CYP27C1: variants seen among roughly 807,000 people sequenced by gnomAD.
CYP27C1 encodes the protein cytochrome P450 family 27 subfamily C member 1.
A neutral mutation model predicts 40.6 loss-of-function variants in CYP27C1; 29 were observed. The observed-to-expected ratio is 0.71, with a 90% CI of 0.53 to 0.97. CYP27C1 has a LOEUF of 0.97. Among genes scored for constraint, CYP27C1 ranks in the 50% least tolerant of loss-of-function variants. CYP27C1 has a pLI of 0.00. For synonymous variants in CYP27C1, 198 were observed against 186.8 expected, an observed-to-expected ratio of 1.06 and a Z score of -0.49; for missense variants, 390 against 485.8, an observed-to-expected ratio of 0.80 and a Z score of 1.85.
intron 3 of CYP27C1, 137 bp downstream of exon 3, chr2:127,203,235 C>T: frequency 1.1e-6 from 1 of 925,090 alleles, no homozygotes; most frequent in Non-Finnish European, 1.6e-6. Context: ...TTCACGTTAG[C>T]ACCGTGGAGG....
chr2:127,213,707 A>C (rs1330919071), intron 1 of CYP27C1, among the ~76,000 whole-genome samples: 6 of 152,230 alleles, frequency 3.9e-5, no homozygotes, highest in Non-Finnish European at 7.3e-5. Flanking sequence ...CAGAGCCATA[A>C]AAACCCTAGA....
chr2:127,220,212 C>A lies in CYP27C1; in HGVS notation c.59G>T (p.Gly20Val), dbSNP rs932125816. 1.3e-5 allele frequency: 2 copies of A among 150,698 alleles called. No homozygotes were observed. The highest frequency in any genetic ancestry group is 4.8e-5 in the African/African-American group (2 of 41,260). 9.3% of individuals were successfully genotyped at this position (150,698 alleles called of 1,614,324 possible). A position where few individuals can be genotyped will look rare whatever the true frequency, so the allele number is the denominator to read the frequency against. The change falls in exon 1 of 9, where the codon GGG becomes GTG. Residue 20 changes from glycine to valine, a missense_variant. Gly to Val is a moderately radical substitution (Grantham distance 109). Coordinates refer to ENST00000664447, the MANE Select transcript of CYP27C1 (RefSeq NM_001367502.1). The surrounding 1 kb of genome is among the most constrained non-coding windows in gnomAD (Gnocchi z 4.6). ...CCGCGGGGCCCCGCCGCCCAGGAGC[C>A]CACCCCGCTCGGGCGCCGGCCGCAG... ...AGLRPAPERG[G>V]LLGGGAPRRP...
In CYP27C1 at chr2:127,206,056, T is replaced by C. The variant is rs1402770163; in HGVS notation, c.317A>G (p.Lys106Arg). Residue 106 changes from lysine to arginine, a missense_variant, in exon 2 of 9, where the codon AAG becomes AGG. Lys to Arg is a conservative substitution (Grantham distance 26, BLOSUM62 2). Coordinates refer to ENST00000664447, the MANE Select transcript of CYP27C1 (RefSeq NM_001367502.1). ...KHTREYGKIF[K>R]SHFGPQFVVS... ...TACAAACTGAGGACCAAAGTGAGAC[T>C]TGAAGATTTTTCCATATTCCCGTGT... 6.6e-6 allele frequency among the ~76,000 whole-genome samples: 1 copy of C among 152,254 alleles called. No individual in the cohort carries two copies. Among genetic ancestry groups the C allele is most frequent in the African/African-American group, 2.4e-5 (1 of 41,476 alleles).
In CYP27C1 at chr2:127,201,168, C is replaced by T; in HGVS notation, c.837G>A (p.Lys279=). The stretch of plus-strand genomic sequence containing the variant: ...AGGACCTGCAGAATTCCCGCCAGGG[C>T]TTTGGGATGAAGGGGCGAAGCCATC... The part of the protein sequence containing the change: ...IPRWLRPFIP[K]PWREFCRSWD... Residue 279 remains lysine, a synonymous_variant, in exon 4 of 9, where the codon AAG becomes AAA. Transcript: ENST00000664447. This position sits in a 1 kb window ranked among gnomAD's most constrained non-coding sequence, Gnocchi z 6.0. 6.2e-7 allele frequency: 1 copy of T among 1,614,076 alleles called. No homozygotes were observed. The highest frequency in any genetic ancestry group is 8.5e-7 in the Non-Finnish European group (1 of 1,180,032).
chr2:127,188,700 A>G (rs2104670818), intron 8 of CYP27C1, among the ~76,000 whole-genome samples: 1 of 146,186 alleles, frequency 6.8e-6, no homozygotes, highest in South Asian at 2.1e-4. Context: ...TCAAAAGCAG[A>G]ACCAGCCCTG....
rs781341429 is a variant in CYP27C1 at position 127,196,476 on chromosome 2, C to T, written c.1048-975G>A. Among the ~76,000 whole-genome samples, 2 of 151,888 alleles carry T rather than the reference C, an allele frequency of 1.3e-5. No individual in the cohort carries two copies. Among genetic ancestry groups the T allele is most frequent in the African/African-American group, 2.4e-5 (1 of 41,348 alleles). On this transcript the variant is annotated intron_variant, in intron 5 of 8. Coordinates refer to ENST00000664447, the MANE Select transcript of CYP27C1 (RefSeq NM_001367502.1). The surrounding 1 kb of genome is among the most constrained non-coding windows in gnomAD (Gnocchi z 4.5). ...ATCAATAGTATCATCTATGGGACTACATTTCACTCTCTAGTAAACAAGGAA... is the reference window on the plus strand; with the variant it reads ...ATCAATAGTATCATCTATGGGACTATATTTCACTCTCTAGTAAACAAGGAA...
chr2:127,213,429 C>T (rs184465364), intron 1 of CYP27C1, among the ~76,000 whole-genome samples: 10 of 152,270 alleles, frequency 6.6e-5, no homozygotes, highest in Admixed American at 3.9e-4. Flanking sequence ...TACAAGGCTA[C>T]GGTAACCAAA....
Position 127,187,405 on chromosome 2 carries a change from G to A in CYP27C1, c.1498-18C>T. On this transcript the variant is annotated intron_variant, in intron 8 of 8. Transcript: ENST00000664447. ...TGAAGCAACTAAGAAGAGAAAGAGA[G>A]AGAAGGGGTCAGAATTGGAACAGCA... 6.2e-7 allele frequency: 1 copy of A among 1,604,434 alleles called. No homozygotes were observed. The highest frequency in any genetic ancestry group is 8.5e-7 in the Non-Finnish European group (1 of 1,171,342).
Position 127,196,296 on chromosome 2 carries a change from G to A in CYP27C1, c.1048-795C>T, listed in dbSNP as rs1443947344. Among the ~76,000 whole-genome samples, 1 of 151,898 alleles carries A rather than the reference G, an allele frequency of 6.6e-6. No homozygotes were observed. The highest frequency in any genetic ancestry group is 1.5e-5 in the Non-Finnish European group (1 of 67,988). ...AGGATGGTCTGGAACTCCTGACCTT[G>A]TGATCTGCCCACCTCGGGTCTCCCA... On this transcript the variant is annotated intron_variant, in intron 5 of 8. Coordinates refer to ENST00000664447, the MANE Select transcript of CYP27C1 (RefSeq NM_001367502.1). This position sits in a 1 kb window ranked among gnomAD's most constrained non-coding sequence, Gnocchi z 4.5.
Position 127,187,090 on chromosome 2 carries a change from C to G in CYP27C1, c.*181G>C. On this transcript the variant is annotated 3_prime_UTR_variant, in exon 9 of 9. Coordinates refer to ENST00000664447, the MANE Select transcript of CYP27C1 (RefSeq NM_001367502.1). ...CTTCTGGTATGCACCAGTAAAATAG[C>G]AACCTTTTTACATTACTTTGCATAA... 1 of 604,988 alleles carries G rather than the reference C, an allele frequency of 1.7e-6. No individual in the cohort carries two copies. Among genetic ancestry groups the G allele is most frequent in the South Asian group, 2.1e-5 (1 of 46,808 alleles). 37.5% of individuals were successfully genotyped at this position (604,988 alleles called of 1,614,324 possible). A position where few individuals can be genotyped will look rare whatever the true frequency, so the allele number is the denominator to read the frequency against.
At chr2:127,192,954 G>T in intron 8 of CYP27C1, 140 bp downstream of exon 8, 2 of 1,087,294 alleles carry the variant, frequency 1.8e-6, no homozygotes, top group South Asian at 1.6e-5. Flanking sequence ...GGGACCACAG[G>T]TGTGAGCCAC....
chr2:127,197,487 T>C (rs1366492137), intron 5 of CYP27C1, among the ~76,000 whole-genome samples: 1 of 152,110 alleles, frequency 6.6e-6, no homozygotes, highest in East Asian at 1.9e-4. Flanking sequence ...AGGAAAAGCT[T>C]TGAGATGATG....
chr2:127,196,185 C>T lies in CYP27C1; in HGVS notation c.1048-684G>A, dbSNP rs1682900830. Among the ~76,000 whole-genome samples, 1 of 152,070 alleles carries T rather than the reference C, an allele frequency of 6.6e-6. No homozygotes were observed. Among genetic ancestry groups the T allele is most frequent in the African/African-American group, 2.4e-5 (1 of 41,410 alleles). On this transcript the variant is annotated intron_variant, in intron 5 of 8. Coordinates refer to ENST00000664447, the MANE Select transcript of CYP27C1 (RefSeq NM_001367502.1). This position sits in a 1 kb window ranked among gnomAD's most constrained non-coding sequence, Gnocchi z 4.5. ...TCATGCCATTCTCCTGCCTCAGCCT[C>T]CCGAGTAGCTGGGACTACAGGCGCT...
Position 127,200,255 on chromosome 2 carries a change from C to A in CYP27C1, c.884-716G>T, listed in dbSNP as rs976611011. ...TCGGCCTCCCAAAGTGCTGGGATTA[C>A]AGGCGTGAGCCACTGCACCCAGCCT... On this transcript the variant is annotated intron_variant, in intron 4 of 8. Transcript: ENST00000664447. This position sits in a 1 kb window ranked among gnomAD's most constrained non-coding sequence, Gnocchi z 4.2. Among the ~76,000 whole-genome samples, 2 of 152,232 alleles carry A rather than the reference C, an allele frequency of 1.3e-5. No individual in the cohort carries two copies. Among genetic ancestry groups the A allele is most frequent in the African/African-American group, 2.4e-5 (1 of 41,474 alleles).
Position 127,184,433 on chromosome 2 carries a change from A to C in CYP27C1, c.*2838T>G, listed in dbSNP as rs565101966. 6.6e-6 allele frequency: 1 copy of C among 150,782 alleles called. No homozygotes were observed. The highest frequency in any genetic ancestry group is 2.1e-4 in the South Asian group (1 of 4,762). The allele number at this position is 150,782 out of a possible 1,614,324, so 9.3% of individuals were successfully genotyped here. On this transcript the variant is annotated 3_prime_UTR_variant, in exon 9 of 9. Transcript: ENST00000664447. ...GCTTTTTGGTTTTTGTTTTTTTTAG[A>C]TACGGAGTTTCGTTCTTGTTGCCCA...
At chr2:127,206,890 C>T (rs1458314783) in intron 1 of CYP27C1, among the ~76,000 whole-genome samples, 1 of 152,132 alleles carries the variant, frequency 6.6e-6, no homozygotes, top group Non-Finnish European at 1.5e-5. Context: ...TGGCAGATGA[C>T]GTGATCTCAC....
In CYP27C1 at chr2:127,193,068, G is replaced by T. The variant is rs1221135781; in HGVS notation, c.1497+26C>A. ...CAGTAGAAAGAGGCCGAACCCAAAG[G>T]CCAACGTTTGGCCTCCACGCCCTAC... is the stretch of plus-strand genomic sequence containing the variant. On this transcript the variant is annotated intron_variant, in intron 8 of 8. Transcript: ENST00000664447. 3 of 1,612,810 alleles carry T rather than the reference G, an allele frequency of 1.9e-6. No homozygotes were observed. The East Asian group carries it at 6.7e-5, about 36-fold the overall frequency.
In CYP27C1 at chr2:127,185,598, C is replaced by G. The variant is rs1682607564; in HGVS notation, c.*1673G>C. 1 of 152,180 alleles carries G rather than the reference C, an allele frequency of 6.6e-6. No individual in the cohort carries two copies. Among genetic ancestry groups the G allele is most frequent in the South Asian group, 2.1e-4 (1 of 4,830 alleles). 9.4% of individuals were successfully genotyped at this position (152,180 alleles called of 1,614,324 possible). A position where few individuals can be genotyped will look rare whatever the true frequency, so the allele number is the denominator to read the frequency against. ...AATTTCACATTTACCTGTACATTTA[C>G]AGCATTCATACTAGAGTTATTCTGC... is the stretch of plus-strand genomic sequence containing the variant. On this transcript the variant is annotated 3_prime_UTR_variant, in exon 9 of 9. Transcript: ENST00000664447. This position sits in a 1 kb window ranked among gnomAD's most constrained non-coding sequence, Gnocchi z 4.9.
At position 127,193,375 on chromosome 2, in the gene CYP27C1, C is replaced by G; in HGVS notation, c.1294-78G>C. On this transcript the variant is annotated intron_variant, in intron 7 of 8. Coordinates refer to ENST00000664447, the MANE Select transcript of CYP27C1 (RefSeq NM_001367502.1). ...GCAGGGCAGGGCCCAGAGCCCTAGC[C>G]GGACAGTCTCCCGGGGTGCTCCCGC... 5.1e-6 allele frequency: 8 copies of G among 1,570,480 alleles called. No individual in the cohort carries two copies. The South Asian group carries it at 7.9e-5, about 15-fold the overall frequency.
Sources: allele counts gnomAD v4.1 joint callset (sites outside exome capture counted in the v4.1 genomes callset), GRCh38; gene constraint gnomAD v4.1.1; non-coding constraint Gnocchi (gnomAD v3.1); transcripts MANE v1.5; gene names NCBI Gene and HGNC (gene_info 2026-07-23, HGNC 2026-07-21).